EP300: variants seen among roughly 807,000 people sequenced by gnomAD.
EP300 encodes the protein histone acetyltransferase p300.
EP300 carries 31 observed loss-of-function variants against 264.0 expected under a neutral mutation model. The observed-to-expected ratio is 0.12, with a 90% CI of 0.09 to 0.16. EP300 has a LOEUF of 0.16. EP300 is among the 10% of genes least tolerant of loss of function. The pLI is 1.00. For synonymous variants in EP300, 1,340 were observed against 1,045.4 expected, an observed-to-expected ratio of 1.28 and a Z score of -5.44; for missense variants, 2,766 against 3,052.9, an observed-to-expected ratio of 0.91 and a Z score of 2.21.
chr22:41,120,653 T>G (rs1187057879), intron 2 of EP300, among the ~76,000 whole-genome samples: 1 of 152,176 alleles, frequency 6.6e-6, no homozygotes, highest in Non-Finnish European at 1.5e-5. Context: ...GGAAGAAACT[T>G]GGATCATACT....
At chr22:41,152,169 T>C (rs745966526) in intron 15 of EP300, 37 bp from the exon 16 acceptor site, 12 of 1,607,236 alleles carry the variant, frequency 7.5e-6, no homozygotes, top group Middle Eastern at 1.6e-4. Flanking sequence ...CAACTAGATA[T>C]CTTTGGAATA....
intron 1 of EP300, among the ~76,000 whole-genome samples, chr22:41,093,951 AG>A (rs1413428565): frequency 2.6e-5 from 4 of 152,238 alleles, no homozygotes; most frequent in Non-Finnish European, 5.9e-5. Flanking sequence ...AATGTGCATT[AG>A]GTTTGGTGTT....
At position 41,177,344 on chromosome 22, in the gene EP300, C is replaced by T. The variant is rs1484157418; in HGVS notation, c.5633C>T (p.Thr1878Ile). The change falls in exon 31 of 31, where the codon ACC becomes ATC. Residue 1878 changes from threonine to isoleucine, a missense_variant. Thr to Ile is a moderately conservative substitution (Grantham distance 89, BLOSUM62 -1). Coordinates refer to ENST00000263253, the MANE Select transcript of EP300 (RefSeq NM_001429.4). Reference protein sequence around the residue: ...TPQPTSQPQPTPPNSMPPYLP... With the variant: ...TPQPTSQPQPIPPNSMPPYLP... The stretch of plus-strand genomic sequence containing the variant: ...CAGCCCACTTCTCAGCCTCAGCCTA[C>T]CCCTCCCAATAGCATGCCACCCTAC... The T allele has an allele frequency of 1.9e-5, 31 of 1,613,944 alleles. No individual in the cohort carries two copies. Among genetic ancestry groups the T allele is most frequent in the Non-Finnish European group, 2.6e-5 (31 of 1,180,026 alleles).
At chr22:41,108,244 CT>C (rs1184276266) in intron 1 of EP300, 2,908 of 111,996 alleles carry the variant, frequency 0.026, 52 homozygotes, top group African/African-American at 0.082. Context: ...TTTTCTTTTT[CT>C]TTTTTTTTTT....
intron 26 of EP300, among the ~76,000 whole-genome samples, 160 bp from the exon 27 acceptor site, chr22:41,170,246 T>G (rs1466731641): frequency 1.3e-5 from 2 of 152,266 alleles, no homozygotes; most frequent in Non-Finnish European, 2.9e-5. Flanking sequence ...ATGCCTAATT[T>G]TGGCCTCACA....
chr22:41,179,892 A>C lies in EP300; in HGVS notation c.*936A>C, dbSNP rs1387002753. ...CCCTACCCCCCACTCACACACACACACACACACACACACACACACACACAC... is the reference window on the plus strand; with the variant it reads ...CCCTACCCCCCACTCACACACACACCCACACACACACACACACACACACAC... On this transcript the variant is annotated 3_prime_UTR_variant, in exon 31 of 31. Transcript: ENST00000263253. 1,378 of 82,550 alleles carry C rather than the reference A, an allele frequency of 0.017. 105 individuals carry two copies. Among genetic ancestry groups the C allele is most frequent in the East Asian group, 0.099 (455 of 4,618 alleles). The allele number at this position is 82,550 out of a possible 1,614,324, so 5.1% of individuals were successfully genotyped here.
rs777635812 is a variant in EP300, at chr22:41,170,556, T to C, written c.4437T>C (p.Ile1479=). Residue 1479 remains isoleucine (I), a synonymous_variant, in exon 27 of 31, where the codon ATT becomes ATC. Transcript: ENST00000263253. ...TTGACAAGGCTGTATCAGAGCGTAT[T>C]GTCCATGACTACAAGGTCAGTTGGG... The part of the protein sequence containing the change: ...KMLDKAVSER[I]VHDYKDIFKQ... 1 of 1,613,996 alleles carries C rather than the reference T, an allele frequency of 6.2e-7. No individual in the cohort carries two copies. The highest frequency in any genetic ancestry group is 8.5e-7 in the Non-Finnish European group (1 of 1,180,026).
chr22:41,157,113 A>C lies in EP300; in HGVS notation c.3262-56A>C, dbSNP rs1431858482. The C allele has an allele frequency of 3.7e-6, 6 of 1,608,770 alleles. No homozygotes were observed. In the African/African-American group the frequency reaches 6.7e-5, roughly 18 times the overall value. The stretch of plus-strand genomic sequence containing the variant: ...TAACAATGATAATGGATGATACTCC[A>C]TCTCCCGTAAAAATAGTGAGACTTG... On this transcript the variant is annotated intron_variant, in intron 17 of 30. Coordinates refer to ENST00000263253, the MANE Select transcript of EP300 (RefSeq NM_001429.4).
chr22:41,107,327 G>T lies in EP300; in HGVS notation c.95-9860G>T, dbSNP rs1032107979. 2.0e-5 allele frequency among the ~76,000 whole-genome samples: 3 copies of T among 151,832 alleles called. No homozygotes were observed. The South Asian group carries it at 6.2e-4, about 32-fold the overall frequency. Reference sequence around the variant, plus strand: ...AATTAATAAAGGTGTTTTACTTAATGAACACAGTTTAAGAGAACTGAGTTG... The same window carrying T: ...AATTAATAAAGGTGTTTTACTTAATTAACACAGTTTAAGAGAACTGAGTTG... On this transcript the variant is annotated intron_variant, in intron 1 of 30. Transcript: ENST00000263253.
chr22:41,173,906 G>A (rs1488925767), intron 29 of EP300, 122 bp downstream of exon 29: 163 of 1,150,288 alleles, frequency 1.4e-4, no homozygotes, highest in Non-Finnish European at 6.5e-6. Context: ...GAGGTCAGGA[G>A]TTCAAGACCA....
Position 41,117,793 on chromosome 22 carries a change from C to G in EP300, c.701C>G (p.Thr234Arg). 6.2e-7 allele frequency: 1 copy of G among 1,614,146 alleles called. No individual in the cohort carries two copies. Among genetic ancestry groups the G allele is most frequent in the Non-Finnish European group, 8.5e-7 (1 of 1,180,036 alleles). ...GGCTCTCCCCAGATGGGAGGACAAACAGGATTGAGAGGCCCCCAGCCTCTT... is the reference window on the plus strand; with the variant it reads ...GGCTCTCCCCAGATGGGAGGACAAAGAGGATTGAGAGGCCCCCAGCCTCTT... ...QQGSPQMGGQ[T>R]GLRGPQPLKM... is the part of the protein sequence containing the mutation. Residue 234 changes from threonine (T) to arginine (R), a missense_variant, in exon 2 of 31, where the codon ACA becomes AGA. Physicochemically the swap from Thr to Arg is moderately conservative, Grantham distance 71. Coordinates refer to ENST00000263253, the MANE Select transcript of EP300 (RefSeq NM_001429.4).
rs202043101 is a variant in EP300 at position 41,177,279 on chromosome 22, G to T, written c.5568G>T (p.Thr1856=). 2 of 1,613,856 alleles carry T rather than the reference G, an allele frequency of 1.2e-6. No homozygotes were observed. Among genetic ancestry groups the T allele is most frequent in the South Asian group, 2.2e-5 (2 of 91,078 alleles). Residue 1856 remains threonine (T), a synonymous_variant, in exon 31 of 31, where the codon ACG becomes ACT. Transcript: ENST00000263253. The part of the protein sequence containing the change: ...GLPSPTPATP[T]TPTGQQPTTP... The stretch of plus-strand genomic sequence containing the variant: ...CTTCCCCCACTCCTGCCACTCCAAC[G>T]ACACCAACTGGCCAACAGCCAACCA...
chr22:41,152,681 G>A (rs1425910680), intron 16 of EP300, among the ~76,000 whole-genome samples: 1 of 152,126 alleles, frequency 6.6e-6, no homozygotes, highest in South Asian at 2.1e-4. Flanking sequence ...AATAGCAATA[G>A]TAATAGCATT....
chr22:41,167,834 T>TTG (rs1301881311), intron 23 of EP300, among the ~76,000 whole-genome samples: 13 of 84,430 alleles, frequency 1.5e-4, no homozygotes, highest in Non-Finnish European at 2.5e-4. Context: ...TTGTTTTTTT[T>TTG]TTTTTTTTTT....
intron 5 of EP300, 29 bp downstream of exon 5, chr22:41,130,032 T>A: frequency 6.4e-7 from 1 of 1,572,512 alleles, no homozygotes; most frequent in East Asian, 2.2e-5. Flanking sequence ...TGAAGGTTTA[T>A]ATGAAAAGTT....
chr22:41,169,721 T>C, intron 26 of EP300, 105 bp downstream of exon 26: 1 of 722,688 alleles, frequency 1.4e-6, no homozygotes, highest in South Asian at 1.5e-5. Context: ...TTTTTCCTCA[T>C]TTTAGTTCTT....
At chr22:41,141,781 A>G (rs1393810075) in intron 10 of EP300, among the ~76,000 whole-genome samples, 2 of 151,804 alleles carry the variant, frequency 1.3e-5, no homozygotes, top group African/African-American at 2.4e-5. Flanking sequence ...GGTTCAAGCA[A>G]TTCTCCCACC....
chr22:41,175,890 C>T (rs1245536437), intron 29 of EP300, among the ~76,000 whole-genome samples: 1 of 152,150 alleles, frequency 6.6e-6, no homozygotes, highest in South Asian at 2.1e-4. Context: ...GAACAGGAGG[C>T]GTATGGTGGT....
At chr22:41,117,995 G>GCTGGTATTCTATAA (rs2058831130) in intron 2 of EP300, among the ~76,000 whole-genome samples, 174 bp downstream of exon 2, 1 of 152,212 alleles carries the variant, frequency 6.6e-6, no homozygotes, top group African/African-American at 2.4e-5. Flanking sequence ...TTATTTTACA[G>GCTGGTATTCTATAA]CTGGTATTCT....
Sources: gnomAD v4.1 joint callset for allele counts (sites outside exome capture counted in the v4.1 genomes callset) on GRCh38, gnomAD v4.1.1 for gene constraint, MANE v1.5 for transcripts, NCBI Gene and HGNC (gene_info 2026-07-23, HGNC 2026-07-21) for gene names.